USP29: variants seen among roughly 807,000 people sequenced by gnomAD.
USP29 encodes ubiquitin carboxyl-terminal hydrolase 29.
For synonymous variants in USP29, 386 were observed against 387.4 expected (o/e 1.00, Z 0.04); for missense variants, 1,102 against 1,069.0 (o/e 1.03, Z -0.43).
intron 2 of USP29, among the ~76,000 whole-genome samples, chr19:57,122,768 C>G (rs1363941262): frequency 1.3e-5 from 2 of 151,872 alleles, no homozygotes; most frequent in Non-Finnish European, 2.9e-5. Flanking sequence ...AGCATGCATC[C>G]AAAATGAAAA....
rs1413601219 is a variant in USP29, at chr19:57,128,963, T to A, written c.288T>A (p.Asn96Lys). The A allele has an allele frequency of 6.2e-7, 1 of 1,614,112 alleles. No individual in the cohort carries two copies. Among genetic ancestry groups the A allele is most frequent in the East Asian group, 2.2e-5 (1 of 44,854 alleles). The change falls in exon 4 of 4, where the codon AAT becomes AAA. Residue 96 changes from asparagine to lysine, a missense_variant. Coordinates refer to ENST00000254181, the MANE Select transcript of USP29 (RefSeq NM_020903.3). ...KLSYRDAKQL[N>K]MFLDIIHQNK... is the part of the protein sequence containing the mutation. ...CCTACAGAGATGCTAAACAGTTGAATATGTTCCTGGACATAATCCACCAAA... is the reference window on the plus strand; with the variant it reads ...CCTACAGAGATGCTAAACAGTTGAAAATGTTCCTGGACATAATCCACCAAA...
chr19:57,131,228 G>A lies in USP29; in HGVS notation c.2553G>A (p.Gln851=). ...GCGATGTGTATGACTTTCAGAAGCA[G>A]GCCTGGTTCACATACAACGATCTAT... is the stretch of plus-strand genomic sequence containing the variant. The part of the protein sequence containing the change: ...YISDVYDFQK[Q]AWFTYNDLCV... Residue 851 remains glutamine (Q), a synonymous_variant, in exon 4 of 4, where the codon CAG becomes CAA. Coordinates refer to ENST00000254181, the MANE Select transcript of USP29 (RefSeq NM_020903.3). 6.2e-7 allele frequency: 1 copy of A among 1,614,210 alleles called. No individual in the cohort carries two copies. The highest frequency in any genetic ancestry group is 8.5e-7 in the Non-Finnish European group (1 of 1,180,038).
chr19:57,129,988 G>T lies in USP29; in HGVS notation c.1313G>T (p.Cys438Phe), dbSNP rs2086847229. 2 of 1,614,036 alleles carry T rather than the reference G, an allele frequency of 1.2e-6. No homozygotes were observed. Among genetic ancestry groups the T allele is most frequent in the Admixed American group, 1.7e-5 (1 of 59,994 alleles). The change falls in exon 4 of 4, where the codon TGT becomes TTT. Residue 438 changes from cysteine to phenylalanine, a missense_variant. Transcript: ENST00000254181. Reference sequence around the variant, plus strand: ...TTTGAATTGCAGCTCTCCCTTATTTGTAAAGCTTGTGGTCATGCTGTTCTC... The same window carrying T: ...TTTGAATTGCAGCTCTCCCTTATTTTTAAAGCTTGTGGTCATGCTGTTCTC... ...FEFELQLSLI[C>F]KACGHAVLKV...
intron 1 of USP29, among the ~76,000 whole-genome samples, chr19:57,121,263 T>C (rs1337592219): frequency 6.8e-6 from 1 of 147,966 alleles, no homozygotes; most frequent in Non-Finnish European, 1.5e-5. Flanking sequence ...ATATATGTTA[T>C]ATATATACTT....
At chr19:57,121,621 GTATGTTATATATGCTTA>G (rs1568454001) in intron 1 of USP29, among the ~76,000 whole-genome samples, 1 of 144,768 alleles carries the variant, frequency 6.9e-6, no homozygotes, top group East Asian at 2.0e-4. Context: ...ATGCTTATAT[GTATGTTATATATGCTTA>G]TATGTTATAT....
In USP29 at chr19:57,130,973, G is replaced by T. The variant is rs755919640; in HGVS notation, c.2298G>T (p.Glu766Asp). The T allele has an allele frequency of 5.0e-6, 8 of 1,614,180 alleles. No homozygotes were observed. The highest frequency in any genetic ancestry group is 6.8e-6 in the Non-Finnish European group (8 of 1,180,038). Reference protein sequence around the residue: ...RKLDAQEHTEETLNQSTELRL... With the variant: ...RKLDAQEHTEDTLNQSTELRL... ...TGGATGCCCAGGAACATACAGAAGA[G>T]ACCCTCAATCAGTCTACAGAATTAA... Residue 766 changes from glutamate to aspartate, a missense_variant, in exon 4 of 4, where the codon GAG (glutamate) becomes GAT (aspartate). Coordinates refer to ENST00000254181, the MANE Select transcript of USP29 (RefSeq NM_020903.3).
chr19:57,121,329 ATAT>A (rs200579695), intron 1 of USP29, among the ~76,000 whole-genome samples: 10,360 of 143,436 alleles, frequency 0.072, 508 homozygotes, highest in East Asian at 0.15. Context: ...ATGTACTTAT[ATAT>A]TATATATACT....
At chr19:57,119,758 C>G (rs1299879106), upstream of USP29, among the ~76,000 whole-genome samples, 1 of 152,108 alleles carries the variant, frequency 6.6e-6, no homozygotes, top group Non-Finnish European at 1.5e-5. Context: ...GGCGTGGTTT[C>G]TAGCACCAGC....
chr19:57,131,388 G>A lies in USP29; in HGVS notation c.2713G>A (p.Ala905Thr), dbSNP rs778007374. 6.2e-7 allele frequency: 1 copy of A among 1,614,114 alleles called. No homozygotes were observed. The highest frequency in any genetic ancestry group is 8.5e-7 in the Non-Finnish European group (1 of 1,180,018). The part of the protein sequence containing the change: ...AENSRLPSTQ[A>T]GVIPQGEYEG... The stretch of plus-strand genomic sequence containing the variant: ...GAACTCTCGGCTACCTAGCACACAG[G>A]CAGGGGTGATCCCTCAGGGGGAATA... The change falls in exon 4 of 4, where the codon GCA becomes ACA. Residue 905 changes from alanine (A) to threonine (T), a missense_variant. Coordinates refer to ENST00000254181, the MANE Select transcript of USP29 (RefSeq NM_020903.3).
rs777253166 is a variant in USP29 at position 57,131,462 on chromosome 19, AC to A, written c.*19del. On this transcript the variant is annotated 3_prime_UTR_variant, in exon 4 of 4. Transcript: ENST00000254181. ...CTGCTTGACAGACTCACTCGGCCTC[AC>A]TTCATCCTTGCAAAGAGAATCCTGT... The A allele has an allele frequency of 2.4e-5, 38 of 1,574,254 alleles. No homozygotes were observed. In the African/African-American group the frequency reaches 4.9e-4, roughly 20 times the overall value.
At position 57,129,467 on chromosome 19, in the gene USP29, G is replaced by A; in HGVS notation, c.792G>A (p.Gln264=). The A allele has an allele frequency of 6.2e-7, 1 of 1,614,244 alleles. No individual in the cohort carries two copies. Among genetic ancestry groups the A allele is most frequent in the Non-Finnish European group, 8.5e-7 (1 of 1,180,048 alleles). The change falls in exon 4 of 4, where the codon CAG becomes CAA. Residue 264 remains glutamine, a synonymous_variant. Transcript: ENST00000254181. ...LTSPLEPEHS[Q]GDPRCNKAQV... ...CTCCATTGGAACCAGAGCACAGCCA[G>A]GGTGACCCAAGATGCAACAAAGCCC...
Position 57,131,256 on chromosome 19 carries a change from G to A in USP29, c.2581G>A (p.Val861Ile). 6.2e-7 allele frequency: 1 copy of A among 1,614,176 alleles called. No homozygotes were observed. The highest frequency in any genetic ancestry group is 8.5e-7 in the Non-Finnish European group (1 of 1,180,036). The change falls in exon 4 of 4, where the codon GTA becomes ATA. Residue 861 changes from valine (V) to isoleucine (I), a missense_variant. Physicochemically the swap from Val to Ile is conservative, Grantham distance 29. Transcript: ENST00000254181. ...CTGGTTCACATACAACGATCTATGT[G>A]TATCAGAAATCTCAGAGACCAAAAT... Reference protein sequence around the residue: ...QAWFTYNDLCVSEISETKMQE... With the variant: ...QAWFTYNDLCISEISETKMQE...
Position 57,131,738 on chromosome 19 carries a change from T to A in USP29, c.*294T>A, listed in dbSNP as rs8104446. ...GCAACAGCAACAGCTAGGGACTGAT[T>A]AGAAATGCAAATTCTTGGGTCACTC... is the stretch of plus-strand genomic sequence containing the variant. On this transcript the variant is annotated 3_prime_UTR_variant, in exon 4 of 4. Transcript: ENST00000254181. 0.013 allele frequency: 4,291 copies of A among 332,624 alleles called. 152 individuals are homozygous for A. Among genetic ancestry groups the A allele is most frequent in the African/African-American group, 0.083 (3,890 of 46,724 alleles). 20.6% of individuals were successfully genotyped at this position (332,624 alleles called of 1,614,324 possible).
In USP29 at chr19:57,130,013, C is replaced by G; in HGVS notation, c.1338C>G (p.Leu446=). 1 of 1,614,156 alleles carries G rather than the reference C, an allele frequency of 6.2e-7. No individual in the cohort carries two copies. Among genetic ancestry groups the G allele is most frequent in the Non-Finnish European group, 8.5e-7 (1 of 1,180,032 alleles). Residue 446 remains leucine, a synonymous_variant, in exon 4 of 4, where the codon CTC becomes CTG. Transcript: ENST00000254181. The stretch of plus-strand genomic sequence containing the variant: ...GTAAAGCTTGTGGTCATGCTGTTCT[C>G]AAGGTAGAACCTAATAATTATCTCT... The part of the protein sequence containing the change: ...LICKACGHAV[L]KVEPNNYLSI...
At position 57,130,973 on chromosome 19, in the gene USP29, G is replaced by A; in HGVS notation, c.2298G>A (p.Glu766=). ...RKLDAQEHTE[E]TLNQSTELRL... ...TGGATGCCCAGGAACATACAGAAGA[G>A]ACCCTCAATCAGTCTACAGAATTAA... The change falls in exon 4 of 4, where the codon GAG becomes GAA. Residue 766 remains glutamate (E), a synonymous_variant. Transcript: ENST00000254181. 1 of 1,614,180 alleles carries A rather than the reference G, an allele frequency of 6.2e-7. No homozygotes were observed. Among genetic ancestry groups the A allele is most frequent in the Non-Finnish European group, 8.5e-7 (1 of 1,180,038 alleles).
At chr19:57,126,447 T>A (rs2086824931) in intron 3 of USP29, among the ~76,000 whole-genome samples, 1 of 152,136 alleles carries the variant, frequency 6.6e-6, no homozygotes, top group South Asian at 2.1e-4. Context: ...TTGGAGCCTT[T>A]GTTCATTCCT....
rs545308499 is a variant in USP29 at position 57,131,184 on chromosome 19, A to G, written c.2509A>G (p.Asn837Asp). Residue 837 changes from asparagine to aspartate, a missense_variant, in exon 4 of 4, where the codon AAT (asparagine) becomes GAT (aspartate). Physicochemically the swap from Asn to Asp is conservative, Grantham distance 23. Coordinates refer to ENST00000254181, the MANE Select transcript of USP29 (RefSeq NM_020903.3). ...TGTCAGCCATATCGGGAGCTCCCCA[A>G]ATTCAGGCCATTACATCAGCGATGT... The part of the protein sequence containing the change: ...SVVSHIGSSP[N>D]SGHYISDVYD... The G allele has an allele frequency of 2.5e-6, 4 of 1,614,232 alleles. No individual in the cohort carries two copies. The highest frequency in any genetic ancestry group is 2.7e-5 in the African/African-American group (2 of 75,066).
upstream of USP29, among the ~76,000 whole-genome samples, chr19:57,119,876 T>C (rs1280091306): frequency 1.3e-5 from 2 of 152,042 alleles, no homozygotes; most frequent in Non-Finnish European, 2.9e-5. Flanking sequence ...CCCCACCAGC[T>C]CTAGGCCAGG....
intron 1 of USP29, 75 bp from the exon 2 acceptor site, chr19:57,122,250 G>C (rs990151812): frequency 2.6e-5 from 4 of 152,026 alleles, no homozygotes; most frequent in African/African-American, 9.7e-5. Context: ...CCGTGATATG[G>C]GTGGAGCCAC....
Sources: gnomAD v4.1 joint callset for allele counts (sites outside exome capture counted in the v4.1 genomes callset) on GRCh38, gnomAD v4.1.1 for gene constraint, MANE v1.5 for transcripts, NCBI Gene and HGNC (gene_info 2026-07-23, HGNC 2026-07-21) for gene names.